Variants in ABCA8 observed in about 807,000 individuals in gnomAD.
ABCA8 encodes ATP binding cassette subfamily A member 8, also known as ABC-type organic anion transporter ABCA8.
Under a neutral mutation model 192.3 loss-of-function variants are expected in ABCA8, and 177 were observed. The ratio of observed to expected loss-of-function variants is 0.92; its 90% CI spans 0.81 to 1.04. ABCA8 has a LOEUF of 1.04. Ranked by LOEUF, ABCA8 falls within the 50% of genes least tolerant of loss-of-function variation. The probability of loss-of-function intolerance (pLI) is 0.00; values close to 1 mark genes in which losing one functional copy is unlikely to be tolerated. For missense variants in ABCA8, 1,915 were observed against 1,904.8 expected (o/e 1.01, Z -0.10); for synonymous variants, 642 against 690.2 (o/e 0.93, Z 1.09).
chr17:68,903,608 A>G (rs1418646281), intron 19 of ABCA8, 109 bp from the exon 20 acceptor site: 5 of 1,009,318 alleles, frequency 5.0e-6, no homozygotes, highest in Non-Finnish European at 7.3e-6. Context: ...TATAGGTATA[A>G]CGTGGTTTTG....
chr17:68,912,103 C>G (rs2067239504), intron 17 of ABCA8, among the ~76,000 whole-genome samples: 1 of 151,954 alleles, frequency 6.6e-6, no homozygotes, highest in Admixed American at 6.6e-5. Flanking sequence ...CATGACCTCA[C>G]CAAATGACTA....
chr17:68,898,651 C>T (rs561791046), intron 21 of ABCA8, among the ~76,000 whole-genome samples: 11 of 151,958 alleles, frequency 7.2e-5, no homozygotes, highest in African/African-American at 2.4e-4. Context: ...ATTGTTGAGG[C>T]GTAAAACATA....
chr17:68,872,851 T>C (rs1185843056), intron 37 of ABCA8, among the ~76,000 whole-genome samples: 2 of 152,088 alleles, frequency 1.3e-5, no homozygotes, highest in Non-Finnish European at 2.9e-5. Context: ...AGAATATGGA[T>C]ATGAAAAAAG....
chr17:68,887,871 T>G (rs2066505004), intron 24 of ABCA8, among the ~76,000 whole-genome samples: 1 of 121,608 alleles, frequency 8.2e-6, no homozygotes, highest in Non-Finnish European at 1.7e-5. Context: ...TCTCTCTCTT[T>G]TCTCTCCTCC....
chr17:68,919,219 A>T, intron 14 of ABCA8, 82 bp downstream of exon 14: 1 of 1,293,930 alleles, frequency 7.7e-7, no homozygotes, highest in Non-Finnish European at 1.1e-6. Context: ...TTGCGCACAA[A>T]TAATTTAAAA....
chr17:68,896,242 A>G (rs2066755106), intron 21 of ABCA8, among the ~76,000 whole-genome samples: 1 of 152,212 alleles, frequency 6.6e-6, no homozygotes, highest in Non-Finnish European at 1.5e-5. Flanking sequence ...TGGTTGAACC[A>G]TACACCAGCT....
At chr17:68,926,815 G>T (rs2067714215) in intron 10 of ABCA8, among the ~76,000 whole-genome samples, 1 of 152,172 alleles carries the variant, frequency 6.6e-6, no homozygotes, top group Admixed American at 6.5e-5. Flanking sequence ...AGATGTGGCT[G>T]TCTTCCTGCT....
intron 37 of ABCA8, among the ~76,000 whole-genome samples, chr17:68,873,785 A>T (rs1461284762): frequency 6.6e-6 from 1 of 152,150 alleles, no homozygotes; most frequent in African/African-American, 2.4e-5. Context: ...TGTTTTCCCA[A>T]CACAATTGGT....
intron 5 of ABCA8, 131 bp from the exon 6 acceptor site, chr17:68,933,402 C>G (rs2067966473): frequency 1.7e-6 from 1 of 591,218 alleles, no homozygotes; most frequent in Non-Finnish European, 3.0e-6. Context: ...TATTTTGACT[C>G]AAAGCTTATG....
Position 68,875,327 on chromosome 17 carries a change from G to T in ABCA8, c.4564C>A (p.Leu1522Met). Residue 1522 changes from leucine (L) to methionine (M), a missense_variant, in exon 37 of 40, where the codon CTG (leucine) becomes ATG (methionine). Physicochemically the swap from Leu to Met is conservative, Grantham distance 15. Transcript: ENST00000586539. ...GCATGGAGGGGCTCCACTTGTGCCA[G>T]GTTCTTCACCTTCATCTCCAGCAGG... is the stretch of plus-strand genomic sequence containing the variant. ...DYLLEMKVKNLAQVEPLHAEI... is the reference protein window; with the variant it reads ...DYLLEMKVKNMAQVEPLHAEI... 1 of 1,614,094 alleles carries T rather than the reference G, an allele frequency of 6.2e-7. No homozygotes were observed. The highest frequency in any genetic ancestry group is 8.5e-7 in the Non-Finnish European group (1 of 1,180,010).
chr17:68,867,356 C>T lies in ABCA8; in HGVS notation c.*729G>A, dbSNP rs549900348. The T allele has an allele frequency of 6.6e-6, 1 of 152,230 alleles. No individual in the cohort carries two copies. The highest frequency in any genetic ancestry group is 2.1e-4 in the South Asian group (1 of 4,824). 9.4% of individuals were successfully genotyped at this position (152,230 alleles called of 1,614,324 possible). A position where few individuals can be genotyped will look rare whatever the true frequency, so the allele number is the denominator to read the frequency against. ...TACTCAGTCATGTGAGCTGTTGCTA[C>T]ATTTGTGAACTTTCTGAAACCAAGT... On this transcript the variant is annotated 3_prime_UTR_variant, in exon 40 of 40. Transcript: ENST00000586539.
intron 1 of ABCA8, among the ~76,000 whole-genome samples, chr17:68,950,492 T>C (rs1439466798): frequency 6.6e-6 from 1 of 152,206 alleles, no homozygotes; most frequent in Non-Finnish European, 1.5e-5. Flanking sequence ...AAAAATACTT[T>C]TGAAAACCTA....
chr17:68,920,472 G>C (rs2067503657), intron 13 of ABCA8, among the ~76,000 whole-genome samples: 1 of 150,912 alleles, frequency 6.6e-6, no homozygotes, highest in Admixed American at 6.6e-5. Context: ...ACAGATAGAA[G>C]CTGGAATGCC....
chr17:68,915,789 A>C (rs1287265470), intron 17 of ABCA8, among the ~76,000 whole-genome samples: 1 of 152,196 alleles, frequency 6.6e-6, no homozygotes, highest in African/African-American at 2.4e-5. Context: ...TACCCCAAAG[A>C]AAGGAAATCA....
At position 68,918,410 on chromosome 17, in the gene ABCA8, A is replaced by G; in HGVS notation, c.1908+17T>C. 1 of 1,562,794 alleles carries G rather than the reference A, an allele frequency of 6.4e-7. No homozygotes were observed. Among genetic ancestry groups the G allele is most frequent in the Non-Finnish European group, 8.6e-7 (1 of 1,159,362 alleles). Reference sequence around the variant, plus strand: ...TTTTTAAACTTTGAATTCACCTGCAAATTCAATGTGACTCACCTGAGGATC... The same window carrying G: ...TTTTTAAACTTTGAATTCACCTGCAGATTCAATGTGACTCACCTGAGGATC... On this transcript the variant is annotated intron_variant, in intron 15 of 39. Transcript: ENST00000586539.
At chr17:68,934,648 C>T (rs2068004266) in intron 5 of ABCA8, among the ~76,000 whole-genome samples, 2 of 152,126 alleles carry the variant, frequency 1.3e-5, no homozygotes, top group African/African-American at 4.8e-5. Flanking sequence ...GAATAGGCTG[C>T]AAATCTTTAA....
At position 68,894,204 on chromosome 17, in the gene ABCA8, T is replaced by C. The variant is rs747575997; in HGVS notation, c.3005A>G (p.His1002Arg). The C allele has an allele frequency of 6.2e-7, 1 of 1,613,362 alleles. No individual in the cohort carries two copies. Among genetic ancestry groups the C allele is most frequent in the Non-Finnish European group, 8.5e-7 (1 of 1,179,636 alleles). Residue 1002 changes from histidine to arginine, a missense_variant, in exon 23 of 40, where the codon CAT (histidine) becomes CGT (arginine). Coordinates refer to ENST00000586539, the MANE Select transcript of ABCA8 (RefSeq NM_001288985.2). ...GLLGMVKPSV[H>R]IRTERSTFLE... is the part of the protein sequence containing the mutation. ...AAATGTACTTCTTTCAGTTCGGATA[T>C]GTACTGATGGTTTAACCATTCCAAG... is the stretch of plus-strand genomic sequence containing the variant.
At chr17:68,895,633 A>C (rs1439783895) in intron 21 of ABCA8, among the ~76,000 whole-genome samples, 4 of 152,150 alleles carry the variant, frequency 2.6e-5, no homozygotes, top group African/African-American at 9.7e-5. Flanking sequence ...CTTCCTTCCC[A>C]GATCTGTGTA....
At chr17:68,905,260 G>A (rs1328160531) in intron 19 of ABCA8, among the ~76,000 whole-genome samples, 13 of 152,006 alleles carry the variant, frequency 8.6e-5, no homozygotes, top group Non-Finnish European at 1.2e-4. Flanking sequence ...ATGAAGAAGC[G>A]GGGAAATATA....
Sources: allele counts gnomAD v4.1 joint callset (sites outside exome capture counted in the v4.1 genomes callset), GRCh38; gene constraint gnomAD v4.1.1; transcripts MANE v1.5; gene names NCBI Gene and HGNC (gene_info 2026-07-23, HGNC 2026-07-21).